The following MICU1 variants were observed in gnomAD, a reference collection of about 807,000 sequenced individuals.
MICU1 encodes mitochondrial calcium uptake 1, also known as calcium uptake protein 1, mitochondrial.
A neutral mutation model predicts 56.8 loss-of-function variants in MICU1; 45 were observed. That is an observed-to-expected ratio of 0.79 (90% CI 0.62 to 1.02). The LOEUF (loss-of-function observed/expected upper bound fraction) is 1.02. Ranked by LOEUF, MICU1 falls within the 50% of genes least tolerant of loss-of-function variation. MICU1 has a pLI of 0.00. For missense variants in MICU1, 504 were observed against 587.1 expected (o/e 0.86, Z 1.46); for synonymous variants, 186 against 195.1 (o/e 0.95, Z 0.39).
rs1842221315 is a variant in MICU1 at position 72,626,060 on chromosome 10, G to C, written c.-52C>G. The C allele has an allele frequency of 6.5e-6, 1 of 152,890 alleles. No individual in the cohort carries two copies. Among genetic ancestry groups the C allele is most frequent in the Non-Finnish European group, 1.5e-5 (1 of 68,550 alleles). The allele number at this position is 152,890 out of a possible 1,614,324, so 9.5% of individuals were successfully genotyped here. On this transcript the variant is annotated 5_prime_UTR_variant, in exon 1 of 12. Transcript: ENST00000361114. Reference sequence around the variant, plus strand: ...CTCTCGGTCAAAGCCGCCCACCTCTGACAGCCATAGAGATGAAACAGCGGA... The same window carrying C: ...CTCTCGGTCAAAGCCGCCCACCTCTCACAGCCATAGAGATGAAACAGCGGA...
chr10:72,475,510 C>T (rs1219998295), intron 7 of MICU1, among the ~76,000 whole-genome samples: 1 of 151,640 alleles, frequency 6.6e-6, no homozygotes, highest in Admixed American at 6.6e-5. Flanking sequence ...CTCACTGCAA[C>T]CTCCACCTCC....
Position 72,386,287 on chromosome 10 carries a change from T to G in MICU1, c.1181-10415A>C, listed in dbSNP as rs1862884914. ...ACCTCTGCCTCCCGGGTTCAAACAA[T>G]TATCCCACCTTAGCCTTCTGAGTAG... is the stretch of plus-strand genomic sequence containing the variant. On this transcript the variant is annotated intron_variant, in intron 10 of 11. Transcript: ENST00000361114. Among the ~76,000 whole-genome samples the G allele has an allele frequency of 2.6e-5, 4 of 152,066 alleles. No homozygotes were observed. The South Asian group carries it at 8.3e-4, about 31-fold the overall frequency.
intron 1 of MICU1, among the ~76,000 whole-genome samples, chr10:72,613,007 A>G (rs1841890943): frequency 6.6e-6 from 1 of 152,110 alleles, no homozygotes; most frequent in Admixed American, 6.5e-5. Flanking sequence ...TAAAAATAAA[A>G]GCAAGTTGTT....
At chr10:72,475,067 G>T in intron 8 of MICU1, 33 bp downstream of exon 8, 1 of 1,572,384 alleles carries the variant, frequency 6.4e-7, no homozygotes, top group East Asian at 2.3e-5. Flanking sequence ...AGTTCCACAT[G>T]TGATGGATCT....
At chr10:72,399,319 G>A (rs1421051995) in intron 10 of MICU1, among the ~76,000 whole-genome samples, 3 of 151,686 alleles carry the variant, frequency 2.0e-5, no homozygotes, top group South Asian at 2.1e-4. Context: ...TTGCAGGGTC[G>A]GGGGCTGGGG....
chr10:72,625,645 T>A (rs1199156049), intron 1 of MICU1, among the ~76,000 whole-genome samples: 1 of 152,122 alleles, frequency 6.6e-6, no homozygotes, highest in African/African-American at 2.4e-5. Context: ...TCTAACCACA[T>A]CCACAAATTC....
At chr10:72,414,335 G>C (rs1483007490) in intron 9 of MICU1, among the ~76,000 whole-genome samples, 2 of 150,114 alleles carry the variant, frequency 1.3e-5, no homozygotes, top group African/African-American at 2.4e-5. Context: ...ATGTAATGTA[G>C]TAAATAAAAT....
At position 72,560,965 on chromosome 10, in the gene MICU1, T is replaced by G. The variant is rs371118118; in HGVS notation, c.330+1930A>C. Among the ~76,000 whole-genome samples, 82 of 152,250 alleles carry G rather than the reference T, an allele frequency of 5.4e-4. 2 individuals carry two copies. In the South Asian group the frequency reaches 0.017, roughly 31 times the overall value. On this transcript the variant is annotated intron_variant, in intron 3 of 11. Coordinates refer to ENST00000361114, the MANE Select transcript of MICU1 (RefSeq NM_001195518.2). Reference sequence around the variant, plus strand: ...ATTCTTAACATGTCTATATAGATTATGTAAAAGAATGAATATACAAAGAAT... The same window carrying G: ...ATTCTTAACATGTCTATATAGATTAGGTAAAAGAATGAATATACAAAGAAT...
chr10:72,613,293 A>C (rs1352788423), intron 1 of MICU1, among the ~76,000 whole-genome samples: 3 of 128,882 alleles, frequency 2.3e-5, no homozygotes, highest in African/African-American at 8.7e-5. Context: ...TTTTTTTTAG[A>C]GACAGGGTTT....
chr10:72,371,044 T>C (rs922351465), intron 11 of MICU1, among the ~76,000 whole-genome samples: 2 of 147,108 alleles, frequency 1.4e-5, no homozygotes, highest in South Asian at 2.2e-4. Context: ...AAAAAAGAAA[T>C]TGTACTTTTC....
intron 6 of MICU1, among the ~76,000 whole-genome samples, chr10:72,487,485 C>T (rs1215192366): frequency 1.3e-5 from 2 of 152,068 alleles, no homozygotes; most frequent in Admixed American, 1.3e-4. Flanking sequence ...GACGACAAAG[C>T]ACAAAGCAAT....
At chr10:72,462,390 C>T (rs1022690530) in intron 8 of MICU1, among the ~76,000 whole-genome samples, 1 of 151,940 alleles carries the variant, frequency 6.6e-6, no homozygotes, top group Non-Finnish European at 1.5e-5. Context: ...TTTACTGAAA[C>T]ATCATCATAA....
intron 6 of MICU1, chr10:72,477,620 G>C (rs1866164051): frequency 2.2e-6 from 3 of 1,358,676 alleles, no homozygotes; most frequent in East Asian, 2.5e-5. Context: ...AAGAAAGTAT[G>C]TCTAGGGTGA....
At chr10:72,491,078 T>C (rs1866639517) in intron 6 of MICU1, among the ~76,000 whole-genome samples, 1 of 152,176 alleles carries the variant, frequency 6.6e-6, no homozygotes, top group Non-Finnish European at 1.5e-5. Flanking sequence ...CTGATCAATT[T>C]ACCATAGAAC....
At chr10:72,547,129 G>A (rs149284650) in intron 4 of MICU1, among the ~76,000 whole-genome samples, 51 of 152,120 alleles carry the variant, frequency 3.4e-4, no homozygotes, top group African/African-American at 1.2e-3. Flanking sequence ...TCCTGACCTC[G>A]TGATCTGTCC....
chr10:72,444,043 T>TA, intron 8 of MICU1, among the ~76,000 whole-genome samples: 1 of 151,988 alleles, frequency 6.6e-6, no homozygotes. Context: ...TATGCAGCCA[T>TA]AAAAAATGAT....
At chr10:72,501,458 A>C (rs1031276288) in intron 6 of MICU1, among the ~76,000 whole-genome samples, 7 of 152,236 alleles carry the variant, frequency 4.6e-5, no homozygotes, top group African/African-American at 1.4e-4. Context: ...AAAATGAAAA[A>C]AACAACATAT....
rs966388552 is a variant in MICU1, at chr10:72,568,814, G to A, written c.-1-2020C>T. Among the ~76,000 whole-genome samples the A allele has an allele frequency of 5.3e-5, 7 of 133,256 alleles. No homozygotes were observed. In the South Asian group the frequency reaches 1.2e-3, roughly 23 times the overall value. 87.4% of individuals were successfully genotyped at this position (133,256 alleles called of 152,430 possible). On this transcript the variant is annotated intron_variant, in intron 1 of 11. Transcript: ENST00000361114. The stretch of plus-strand genomic sequence containing the variant: ...ATCACCCAGGCTGGAGTACAGTGGC[G>A]CAATCTCGGCTCACTGCAACCTCCA...
At chr10:72,446,972 G>C (rs1461099937) in intron 8 of MICU1, among the ~76,000 whole-genome samples, 1 of 152,094 alleles carries the variant, frequency 6.6e-6, no homozygotes, top group Non-Finnish European at 1.5e-5. Context: ...ATTGAGAAAG[G>C]AAAGAAAAAC....
Sources: gnomAD v4.1 joint callset for allele counts (sites outside exome capture counted in the v4.1 genomes callset) on GRCh38, gnomAD v4.1.1 for gene constraint, MANE v1.5 for transcripts, NCBI Gene and HGNC (gene_info 2026-07-23, HGNC 2026-07-21) for gene names.